GRM7: variants seen among roughly 807,000 people sequenced by gnomAD.
GRM7 encodes the protein glutamate metabotropic receptor 7.
Under a neutral mutation model 84.5 loss-of-function variants are expected in GRM7, and 35 were observed. The ratio of observed to expected loss-of-function variants is 0.41; its 90% CI spans 0.32 to 0.55. The LOEUF is 0.55. GRM7 is among the 20% of genes least tolerant of loss of function. The pLI, the probability that GRM7 is intolerant of heterozygous loss-of-function variation, is 0.19. For missense variants in GRM7, 1,003 were observed against 1,194.6 expected, an observed-to-expected ratio of 0.84 and a Z score of 2.36; for synonymous variants, 487 against 455.1, an observed-to-expected ratio of 1.07 and a Z score of -0.89.
At chr3:7,293,052 T>A (rs1013547995) in intron 2 of GRM7, among the ~76,000 whole-genome samples, 4 of 130,392 alleles carry the variant, frequency 3.1e-5, no homozygotes, top group African/African-American at 9.3e-5. Context: ...AAAAAAAAAA[T>A]TGAGCTTTTC....
chr3:7,621,008 C>A (rs1352906951), intron 8 of GRM7, among the ~76,000 whole-genome samples: 1 of 152,048 alleles, frequency 6.6e-6, no homozygotes, highest in South Asian at 2.1e-4. Context: ...GTAGTCTTAG[C>A]CCAACACAGA....
chr3:7,505,589 C>T (rs1307512157), intron 7 of GRM7, among the ~76,000 whole-genome samples: 1 of 152,214 alleles, frequency 6.6e-6, no homozygotes, highest in Non-Finnish European at 1.5e-5. Context: ...CTCTTGCTTT[C>T]TGCATGCCTG....
At chr3:7,596,095 G>A (rs1030924329) in intron 8 of GRM7, among the ~76,000 whole-genome samples, 4 of 152,168 alleles carry the variant, frequency 2.6e-5, no homozygotes, top group Non-Finnish European at 5.9e-5. Context: ...TGAGTTAGAG[G>A]TGTTGCAAAA....
chr3:7,695,545 C>G (rs926150768), intron 9 of GRM7, among the ~76,000 whole-genome samples: 1 of 152,192 alleles, frequency 6.6e-6, no homozygotes, highest in African/African-American at 2.4e-5. Flanking sequence ...TCTTCCATAA[C>G]TGTTGCTGTT....
intron 9 of GRM7, among the ~76,000 whole-genome samples, chr3:7,729,807 G>A (rs1702247896): frequency 6.6e-6 from 1 of 151,770 alleles, no homozygotes. Flanking sequence ...CTGGGTTCAA[G>A]GGATTCTCCT....
At chr3:6,918,819 T>G (rs1697026868) in intron 1 of GRM7, among the ~76,000 whole-genome samples, 1 of 152,122 alleles carries the variant, frequency 6.6e-6, no homozygotes, top group African/African-American at 2.4e-5. Flanking sequence ...GGAGCCATGG[T>G]GCGTTGTGAT....
intron 8 of GRM7, among the ~76,000 whole-genome samples, chr3:7,672,884 C>T (rs549537754): frequency 1.1e-4 from 16 of 152,132 alleles, no homozygotes; most frequent in South Asian, 2.1e-4. Context: ...TGTGAGCCAC[C>T]GCGCCCAGCC....
chr3:7,215,056 C>G (rs1050657435), intron 2 of GRM7, among the ~76,000 whole-genome samples: 6 of 152,180 alleles, frequency 3.9e-5, no homozygotes, highest in Admixed American at 3.3e-4. Context: ...AAAGCGACCT[C>G]TACAACACTG....
intron 7 of GRM7, among the ~76,000 whole-genome samples, chr3:7,533,176 A>T (rs937353975): frequency 6.6e-6 from 1 of 152,162 alleles, no homozygotes; most frequent in African/African-American, 2.4e-5. Context: ...TCTCCACCCC[A>T]CATCAAAAGA....
chr3:7,608,650 T>C (rs1575550256), intron 8 of GRM7, among the ~76,000 whole-genome samples: 1 of 152,142 alleles, frequency 6.6e-6, no homozygotes, highest in Admixed American at 6.6e-5. Context: ...AATATTTTCT[T>C]CCATTTTGTA....
intron 8 of GRM7, among the ~76,000 whole-genome samples, chr3:7,645,311 G>A (rs1166624398): frequency 5.3e-5 from 8 of 152,004 alleles, no homozygotes; most frequent in Non-Finnish European, 1.2e-4. Flanking sequence ...CACTTTGGGA[G>A]GCCAAGGCGG....
intron 2 of GRM7, among the ~76,000 whole-genome samples, chr3:7,289,703 T>G (rs4425239): frequency 1.3e-5 from 2 of 151,882 alleles, no homozygotes; most frequent in African/African-American, 2.4e-5. Flanking sequence ...TTCATGTCCT[T>G]TGTAGGGACA....
At chr3:7,455,549 C>G (rs372699355) in intron 6 of GRM7, among the ~76,000 whole-genome samples, 2 of 152,236 alleles carry the variant, frequency 1.3e-5, no homozygotes, top group African/African-American at 4.8e-5. Context: ...TGAGGTTTTA[C>G]TGCCAAAAAG....
chr3:7,382,827 G>A (rs1694642422), intron 4 of GRM7, among the ~76,000 whole-genome samples: 2 of 152,232 alleles, frequency 1.3e-5, no homozygotes, highest in African/African-American at 2.4e-5. Flanking sequence ...AGAAATTAAT[G>A]AGTCTGAATG....
Position 6,883,378 on chromosome 3 carries a change from CA to C in GRM7, c.519+21476del, listed in dbSNP as rs1343075166. Among the ~76,000 whole-genome samples the C allele has an allele frequency of 2.0e-4, 30 of 152,012 alleles. No individual in the cohort carries two copies. The South Asian group carries it at 6.2e-3, about 32-fold the overall frequency. On this transcript the variant is annotated intron_variant, in intron 1 of 9. Transcript: ENST00000357716. ...ATTCTTTAATATTGTCTAGTCTATT[CA>C]AAAACACTTTAATAGTTCAGACACA...
chr3:7,733,479 G>A (rs1215835503), intron 9 of GRM7, among the ~76,000 whole-genome samples: 1 of 152,138 alleles, frequency 6.6e-6, no homozygotes, highest in East Asian at 1.9e-4. Context: ...CCAGTCCACT[G>A]CCCCCTTGTC....
chr3:6,940,991 G>A (rs1340226113), intron 1 of GRM7, among the ~76,000 whole-genome samples: 1 of 152,226 alleles, frequency 6.6e-6, no homozygotes, highest in Non-Finnish European at 1.5e-5. Flanking sequence ...CATGGGTGGA[G>A]ATGTTGCTCA....
intron 8 of GRM7, among the ~76,000 whole-genome samples, chr3:7,580,172 C>T (rs1695177356): frequency 6.6e-6 from 1 of 152,178 alleles, no homozygotes; most frequent in Admixed American, 6.5e-5. Context: ...ATACATCTGA[C>T]TCCTATACTC....
chr3:7,229,759 ATT>A lies in GRM7; in HGVS notation c.737-68911_737-68910del, dbSNP rs1200808989. Reference sequence around the variant, plus strand: ...TATATATATATATATATATATATATATTTTTTTTTTTTTTTGGTTGACAGGTG... The same window carrying A: ...TATATATATATATATATATATATATATTTTTTTTTTTTTGGTTGACAGGTG... On this transcript the variant is annotated intron_variant, in intron 2 of 9. Transcript: ENST00000357716. Among the ~76,000 whole-genome samples the A allele has an allele frequency of 2.8e-3, 84 of 30,392 alleles. 2 individuals are homozygous for A. The highest frequency in any genetic ancestry group is 0.013 in the Admixed American group (25 of 1,854). The allele number at this position is 30,392 out of a possible 152,430, so 19.9% of individuals were successfully genotyped here. A position where few individuals can be genotyped will look rare whatever the true frequency, so the allele number is the denominator to read the frequency against.
Sources: gnomAD v4.1 joint callset for allele counts (sites outside exome capture counted in the v4.1 genomes callset) on GRCh38, gnomAD v4.1.1 for gene constraint, MANE v1.5 for transcripts, NCBI Gene and HGNC (gene_info 2026-07-23, HGNC 2026-07-21) for gene names.